The following TACC2 variants were observed in gnomAD, a reference collection of about 807,000 sequenced individuals.
TACC2 encodes transforming acidic coiled-coil-containing protein 2.
Under a neutral mutation model 227.3 loss-of-function variants are expected in TACC2, and 137 were observed. The observed-to-expected ratio is 0.60, with a 90% confidence interval of 0.52 to 0.69. The LOEUF (loss-of-function observed/expected upper bound fraction) is 0.69. Among genes scored for constraint, TACC2 ranks in the 30% least tolerant of loss-of-function variants. TACC2 has a pLI of 0.00. For synonymous variants in TACC2, 1,523 were observed against 1,487.5 expected (o/e 1.02, Z -0.55); for missense variants, 3,470 against 3,694.4 (o/e 0.94, Z 1.57).
intron 1 of TACC2, among the ~76,000 whole-genome samples, chr10:121,998,505 A>G (rs1005385634): frequency 6.6e-6 from 1 of 152,014 alleles, no homozygotes; most frequent in African/African-American, 2.4e-5. Flanking sequence ...CTATCTTGTG[A>G]TATGTCATGG....
At chr10:122,171,664 T>C (rs566135854) in intron 7 of TACC2, among the ~76,000 whole-genome samples, 6 of 152,370 alleles carry the variant, frequency 3.9e-5, no homozygotes, top group Admixed American at 3.9e-4. Flanking sequence ...ATTTTAATCT[T>C]TTCCCTTTAA....
intron 3 of TACC2, among the ~76,000 whole-genome samples, chr10:122,053,301 A>G (rs1286644162): frequency 6.6e-6 from 1 of 152,128 alleles, no homozygotes; most frequent in African/African-American, 2.4e-5. Context: ...TCCCGTTTTT[A>G]AAACCATCAG....
intron 3 of TACC2, among the ~76,000 whole-genome samples, chr10:122,065,092 A>C (rs1221480804): frequency 6.6e-6 from 1 of 152,170 alleles, no homozygotes; most frequent in Non-Finnish European, 1.5e-5. Flanking sequence ...GATTTAAAAA[A>C]ATTTTTTTAT....
intron 3 of TACC2, among the ~76,000 whole-genome samples, chr10:122,062,950 GGGC>G (rs2076997416): frequency 6.6e-6 from 1 of 152,110 alleles, no homozygotes; most frequent in Non-Finnish European, 1.5e-5. Flanking sequence ...GAGGAAATCA[GGGC>G]TCAGAGAGGT....
intron 9 of TACC2, chr10:122,213,335 G>A: frequency 6.2e-7 from 1 of 1,611,350 alleles, no homozygotes; most frequent in Non-Finnish European, 8.5e-7. Context: ...TTGTCTTCTT[G>A]TCTTAGGATG....
intron 3 of TACC2, among the ~76,000 whole-genome samples, chr10:122,073,126 A>ATATAT (rs1554995816): frequency 1.4e-5 from 1 of 71,016 alleles, no homozygotes; most frequent in Admixed American, 2.0e-4. Flanking sequence ...AAAAAAAAAA[A>ATATAT]ATATATATAT....
At chr10:122,099,814 C>G (rs772070771) in intron 5 of TACC2, among the ~76,000 whole-genome samples, 2 of 152,128 alleles carry the variant, frequency 1.3e-5, no homozygotes, top group Non-Finnish European at 2.9e-5. Context: ...TTTGTTTTTT[C>G]AAGAAGATGG....
chr10:122,183,640 ACT>A (rs2094058792), intron 7 of TACC2, among the ~76,000 whole-genome samples: 1 of 152,018 alleles, frequency 6.6e-6, no homozygotes. Context: ...AGATGCAGAA[ACT>A]CTGCTGATTC....
intron 5 of TACC2, among the ~76,000 whole-genome samples, chr10:122,105,362 G>C (rs7076483): frequency 0.85 from 128,975 of 152,140 alleles, 55,988 homozygotes; most frequent in East Asian, 0.98. Context: ...GGATGAAATT[G>C]GGCATTGGCA....
intron 22 of TACC2, 32 bp downstream of exon 22, chr10:122,249,696 G>T: frequency 6.3e-7 from 1 of 1,592,744 alleles, no homozygotes; most frequent in South Asian, 1.1e-5. Context: ...CTCCAGGTGG[G>T]CCGGGCTGCT....
At position 122,132,645 on chromosome 10, in the gene TACC2, C is replaced by G; in HGVS notation, c.5610C>G (p.Ala1870=). 2 of 1,614,190 alleles carry G rather than the reference C, an allele frequency of 1.2e-6. No homozygotes were observed. Among genetic ancestry groups the G allele is most frequent in the Non-Finnish European group, 1.7e-6 (2 of 1,180,030 alleles). Residue 1870 remains alanine (A), a synonymous_variant, in exon 6 of 23, where the codon GCC becomes GCG. Coordinates refer to ENST00000369005, the MANE Select transcript of TACC2 (RefSeq NM_206862.4). The part of the protein sequence containing the change: ...PVADDIIQPA[A]PADLESPTLA... ...CAGATGATATCATCCAGCCCGCTGC[C>G]CCCGCAGACCTGGAAAGCCCAACCT...
At chr10:122,155,178 A>C (rs917962546) in intron 7 of TACC2, among the ~76,000 whole-genome samples, 2 of 152,184 alleles carry the variant, frequency 1.3e-5, no homozygotes, top group Admixed American at 6.5e-5. Flanking sequence ...CGGGCCACTG[A>C]GGGGAGCCCC....
chr10:122,041,084 A>G (rs1408606805), intron 2 of TACC2, among the ~76,000 whole-genome samples: 4 of 152,238 alleles, frequency 2.6e-5, no homozygotes, highest in African/African-American at 9.6e-5. Flanking sequence ...GAATCTGTGT[A>G]TGCGAGCCGT....
chr10:122,234,929 G>C (rs1322298836), intron 16 of TACC2, among the ~76,000 whole-genome samples: 1 of 152,092 alleles, frequency 6.6e-6, no homozygotes, highest in African/African-American at 2.4e-5. Flanking sequence ...CCCAGTCTCT[G>C]AGATTCTCCA....
chr10:122,178,755 C>T (rs1267426945), intron 7 of TACC2, among the ~76,000 whole-genome samples: 2 of 152,266 alleles, frequency 1.3e-5, no homozygotes, highest in African/African-American at 4.8e-5. Flanking sequence ...GGGTTGTGCG[C>T]CTGTAGTCCC....
Position 122,085,807 on chromosome 10 carries a change from T to C in TACC2, c.3307T>C (p.Trp1103Arg), listed in dbSNP as rs7073433. 1,609,670 of 1,613,288 alleles carry C rather than the reference T, an allele frequency of 1. 803,071 individuals carry two copies. Among genetic ancestry groups the C allele is most frequent in the East Asian group, 1 (44,852 of 44,854 alleles). Reference sequence around the variant, plus strand: ...GGCCCCGCAGCAGAAAATGGAGTGCTGGGCCACTTCGGATGCAGAGTCCCC... The same window carrying C: ...GGCCCCGCAGCAGAAAATGGAGTGCCGGGCCACTTCGGATGCAGAGTCCCC... ...VPAPQQKMECWATSDAESPKL... is the reference protein window; with the variant it reads ...VPAPQQKMECRATSDAESPKL... The change falls in exon 4 of 23, where the codon TGG becomes CGG. Residue 1103 changes from tryptophan (W) to arginine (R), a missense_variant. Trp to Arg is a moderately radical substitution (Grantham distance 101). Transcript: ENST00000369005.
Position 122,084,630 on chromosome 10 carries a change from G to A in TACC2, c.2130G>A (p.Met710Ile), listed in dbSNP as rs748828410. The change falls in exon 4 of 23, where the codon ATG becomes ATA. Residue 710 changes from methionine (M) to isoleucine (I), a missense_variant. Physicochemically the swap from Met to Ile is conservative, Grantham distance 10. Around this residue, in one of 10 missense-constraint regions of TACC2, gnomAD observed 1,924 missense variants for 1,978.3 expected, o/e 0.97. Transcript: ENST00000369005. ...AGAGCAGGGAAGGATTGGGAAGAAT[G>A]GAGTCTTTCCTGACTTTAGAATCAG... ...TLQSREGLGR[M>I]ESFLTLESEK... 2.5e-6 allele frequency: 4 copies of A among 1,613,828 alleles called. No homozygotes were observed. The highest frequency in any genetic ancestry group is 3.4e-6 in the Non-Finnish European group (4 of 1,180,040).
chr10:122,233,384 G>C (rs2095795964), intron 16 of TACC2, among the ~76,000 whole-genome samples: 1 of 152,228 alleles, frequency 6.6e-6, no homozygotes, highest in Non-Finnish European at 1.5e-5. Context: ...AAAGACGGAA[G>C]GATGTGTCTG....
chr10:122,248,869 G>A (rs2141909715), intron 20 of TACC2, 66 bp downstream of exon 20: 2 of 1,597,536 alleles, frequency 1.3e-6, no homozygotes, highest in Admixed American at 1.7e-5. Flanking sequence ...GGAGCACTGG[G>A]AGGGGGTAGG....
Sources: gnomAD v4.1 joint callset for allele counts (sites outside exome capture counted in the v4.1 genomes callset) on GRCh38, gnomAD v4.1.1 for gene constraint, gnomAD v4.1.1 regional missense constraint, MANE v1.5 for transcripts, NCBI Gene and HGNC (gene_info 2026-07-23, HGNC 2026-07-21) for gene names.